MEGF6: variants seen among roughly 807,000 people sequenced by gnomAD.
MEGF6 encodes multiple EGF like domains 6, also known as multiple epidermal growth factor-like domains protein 6.
Under a neutral mutation model 207.1 loss-of-function variants are expected in MEGF6, and 184 were observed. The ratio of observed to expected loss-of-function variants is 0.89; its 90% confidence interval spans 0.79 to 1.00. MEGF6 has a LOEUF of 1.00. Ranked by LOEUF, MEGF6 falls within the 50% of genes least tolerant of loss-of-function variation. The probability of loss-of-function intolerance (pLI) is 0.00; values close to 1 mark genes in which losing one functional copy is unlikely to be tolerated. For synonymous variants in MEGF6, 1,038 were observed against 910.0 expected, an observed-to-expected ratio of 1.14 and a Z score of -2.53; for missense variants, 2,282 against 2,202.9, an observed-to-expected ratio of 1.04 and a Z score of -0.72.
intron 18 of MEGF6, among the ~76,000 whole-genome samples, 189 bp from the exon 19 acceptor site, chr1:3,501,497 A>T (rs920760005): frequency 6.6e-6 from 1 of 151,956 alleles, no homozygotes; most frequent in Admixed American, 6.5e-5. Context: ...GCGCACCCAC[A>T]GTAGAGGACC....
At chr1:3,609,048 A>G (rs1380211931) in intron 1 of MEGF6, among the ~76,000 whole-genome samples, 1 of 152,166 alleles carries the variant, frequency 6.6e-6, no homozygotes, top group African/African-American at 2.4e-5. Context: ...GTTCAGGAAC[A>G]CTCAGCCAGC....
intron 17 of MEGF6, 52 bp from the exon 18 acceptor site, chr1:3,501,973 C>A: frequency 1.3e-6 from 2 of 1,561,234 alleles, no homozygotes; most frequent in South Asian, 2.3e-5. Flanking sequence ...AGTGGACTGA[C>A]CAGAGCCTTT....
chr1:3,553,555 C>A (rs1642950200), intron 4 of MEGF6, among the ~76,000 whole-genome samples: 1 of 152,194 alleles, frequency 6.6e-6, no homozygotes, highest in African/African-American at 2.4e-5. Flanking sequence ...TGAGCCAAGT[C>A]CGCCCACTGG....
chr1:3,523,198 G>A (rs1641828698), intron 5 of MEGF6, among the ~76,000 whole-genome samples: 1 of 152,130 alleles, frequency 6.6e-6, no homozygotes, highest in Admixed American at 6.5e-5. Context: ...GGGGCGTCCT[G>A]ACGCCCATCA....
intron 3 of MEGF6, among the ~76,000 whole-genome samples, chr1:3,591,391 G>A (rs1643975438): frequency 6.6e-6 from 1 of 152,204 alleles, no homozygotes; most frequent in Non-Finnish European, 1.5e-5. Flanking sequence ...ATCACCATGT[G>A]TGCCACTGTC....
At chr1:3,515,060 C>T (rs1217819324) in intron 6 of MEGF6, among the ~76,000 whole-genome samples, 1 of 152,206 alleles carries the variant, frequency 6.6e-6, no homozygotes, top group Admixed American at 6.5e-5. Flanking sequence ...CTGCCCCACC[C>T]ACAGCCCCCA....
intron 4 of MEGF6, among the ~76,000 whole-genome samples, chr1:3,578,219 G>GCCCT: frequency 6.6e-6 from 1 of 152,308 alleles, no homozygotes; most frequent in African/African-American, 2.4e-5. Flanking sequence ...CCACAGCCCC[G>GCCCT]TCCCGGAAAC....
chr1:3,537,226 C>T (rs1268113966), intron 4 of MEGF6, among the ~76,000 whole-genome samples: 1 of 152,260 alleles, frequency 6.6e-6, no homozygotes, highest in African/African-American at 2.4e-5. Context: ...TCTACCTCCT[C>T]AGCGGGCAAT....
chr1:3,617,464 C>G, the MEGF6 span, among the ~76,000 whole-genome samples: 1 of 152,000 alleles, frequency 6.6e-6, no homozygotes, highest in Non-Finnish European at 1.5e-5. Flanking sequence ...GAACAGCACT[C>G]GCTGGGGCCT....
chr1:3,548,782 C>T (rs1304009125), intron 4 of MEGF6, among the ~76,000 whole-genome samples: 1 of 152,174 alleles, frequency 6.6e-6, no homozygotes, highest in Non-Finnish European at 1.5e-5. Context: ...GAGCACAGGT[C>T]CCCAGCACCG....
chr1:3,624,108 C>CA, the MEGF6 span, among the ~76,000 whole-genome samples: 1 of 152,228 alleles, frequency 6.6e-6, no homozygotes, highest in Admixed American at 6.5e-5. Flanking sequence ...ATCTCACTCT[C>CA]CTCGCCTGTG....
intron 5 of MEGF6, among the ~76,000 whole-genome samples, chr1:3,520,918 G>A (rs768037249): frequency 4.6e-5 from 7 of 152,124 alleles, no homozygotes; most frequent in Non-Finnish European, 7.4e-5. Flanking sequence ...AGATTGCTCC[G>A]GGCCCTGGAG....
At position 3,571,788 on chromosome 1, in the gene MEGF6, AGGTGTGCTGGGTCCTCCTG is replaced by A. The variant is rs373960914; in HGVS notation, c.481+8018_481+8036del. Among the ~76,000 whole-genome samples the A allele has an allele frequency of 8.3e-3, 877 of 105,864 alleles. 10 individuals are homozygous for A. Among genetic ancestry groups the A allele is most frequent in the African/African-American group, 0.031 (831 of 26,664 alleles). The allele number at this position is 105,864 out of a possible 152,430, so 69.5% of individuals were successfully genotyped here. A position where few individuals can be genotyped will look rare whatever the true frequency, so the allele number is the denominator to read the frequency against. The stretch of plus-strand genomic sequence containing the variant: ...CCCGTGGGTGTGCTGAGTCCTTTCC[AGGTGTGCTGGGTCCTCCTG>A]GGTGTGCTGGGTCCTGCTGGGTGTG... On this transcript the variant is annotated intron_variant, in intron 4 of 36. Transcript: ENST00000356575.
chr1:3,575,661 A>G (rs1447368829), intron 4 of MEGF6, among the ~76,000 whole-genome samples: 1 of 151,988 alleles, frequency 6.6e-6, no homozygotes, highest in Non-Finnish European at 1.5e-5. Flanking sequence ...AGGCAAAGAG[A>G]GAGAGCTTGT....
intron 4 of MEGF6, among the ~76,000 whole-genome samples, chr1:3,576,975 C>T (rs890379725): frequency 1.3e-5 from 2 of 149,162 alleles, no homozygotes; most frequent in East Asian, 3.9e-4. Flanking sequence ...ACACTCCATC[C>T]TGCATGCCCA....
At position 3,490,484 on chromosome 1, in the gene MEGF6, C is replaced by T; in HGVS notation, c.*44G>A. 6.2e-7 allele frequency: 1 copy of T among 1,608,524 alleles called. No individual in the cohort carries two copies. Among genetic ancestry groups the T allele is most frequent in the Non-Finnish European group, 8.5e-7 (1 of 1,176,834 alleles). On this transcript the variant is annotated 3_prime_UTR_variant, in exon 37 of 37. Transcript: ENST00000356575. ...AGTGGTCACCAAAGGCCAGGGTCCC[C>T]TCTGGCTGGGACTGGAGAGGCGGGC...
intron 4 of MEGF6, among the ~76,000 whole-genome samples, chr1:3,529,910 T>C (rs1570066390): frequency 6.6e-6 from 1 of 152,246 alleles, no homozygotes; most frequent in Non-Finnish European, 1.5e-5. Context: ...AGGGCAGTTA[T>C]CAAGTTCCAA....
chr1:3,492,345 T>C (rs1640408142), intron 35 of MEGF6, among the ~76,000 whole-genome samples: 1 of 152,056 alleles, frequency 6.6e-6, no homozygotes, highest in African/African-American at 2.4e-5. Context: ...CCGGTGCAGT[T>C]TGCAGCCCAC....
Position 3,526,700 on chromosome 1 carries a change from A to G in MEGF6, c.482-2454T>C, listed in dbSNP as rs190977246. Among the ~76,000 whole-genome samples, 609 of 152,298 alleles carry G rather than the reference A, an allele frequency of 4.0e-3. 2 individuals are homozygous for G. The highest frequency in any genetic ancestry group is 0.014 in the African/African-American group (585 of 41,566). On this transcript the variant is annotated intron_variant, in intron 4 of 36. Transcript: ENST00000356575. ...AGGCCTGAGCCACCGTGCCCAGCCC[A>G]GGTGACACCTTTTATCCGACAACCT...
Sources: allele counts gnomAD v4.1 joint callset (sites outside exome capture counted in the v4.1 genomes callset), GRCh38; gene constraint gnomAD v4.1.1; transcripts MANE v1.5; gene names NCBI Gene and HGNC (gene_info 2026-07-23, HGNC 2026-07-21).